Variants in CAMTA1 observed in about 807,000 individuals in gnomAD.
CAMTA1 encodes calmodulin binding transcription activator 1, also known as calmodulin-binding transcription activator 1.
In CAMTA1, 27 loss-of-function variants were observed where a neutral mutation model predicts 170.9. The ratio of observed to expected loss-of-function variants is 0.16; its 90% CI spans 0.12 to 0.22. The LOEUF (loss-of-function observed/expected upper bound fraction) is 0.22. CAMTA1 is among the 10% of genes least tolerant of loss of function. The pLI, the probability that CAMTA1 is intolerant of heterozygous loss-of-function variation, is 1.00. For synonymous variants in CAMTA1, 833 were observed against 891.5 expected (o/e 0.93, Z 1.17); for missense variants, 1,619 against 2,217.2 (o/e 0.73, Z 5.42).
At chr1:7,683,822 G>A (rs1307108373) in intron 11 of CAMTA1, among the ~76,000 whole-genome samples, 4 of 152,212 alleles carry the variant, frequency 2.6e-5, no homozygotes, top group Non-Finnish European at 4.4e-5. Flanking sequence ...GTGTCTGTCA[G>A]CTTGGGTGCA....
intron 6 of CAMTA1, among the ~76,000 whole-genome samples, chr1:7,527,810 C>T (rs2094447166): frequency 6.6e-6 from 1 of 152,218 alleles, no homozygotes; most frequent in Non-Finnish European, 1.5e-5. Context: ...GGCTGCGGTT[C>T]TCCGACCTCA....
At chr1:7,039,104 C>A (rs1042639227) in intron 3 of CAMTA1, among the ~76,000 whole-genome samples, 1 of 152,176 alleles carries the variant, frequency 6.6e-6, no homozygotes, top group East Asian at 1.9e-4. Context: ...AGGGTCATAG[C>A]AAACCACTTC....
chr1:7,378,505 A>G (rs909440918), intron 5 of CAMTA1, among the ~76,000 whole-genome samples: 2 of 152,210 alleles, frequency 1.3e-5, no homozygotes, highest in African/African-American at 4.8e-5. Context: ...AGTCAGTCGC[A>G]GCAGGCCGCA....
intron 4 of CAMTA1, among the ~76,000 whole-genome samples, chr1:7,243,328 T>C (rs1405693509): frequency 1.3e-5 from 2 of 152,200 alleles, no homozygotes; most frequent in East Asian, 1.9e-4. Flanking sequence ...ATAGATTAAC[T>C]TGGGTTTTCT....
chr1:7,623,895 C>T (rs1319176080), intron 6 of CAMTA1, among the ~76,000 whole-genome samples: 2 of 152,376 alleles, frequency 1.3e-5, no homozygotes, highest in South Asian at 2.1e-4. Flanking sequence ...TAGCTAACAT[C>T]TCTTAACAGC....
At chr1:6,813,630 T>A (rs565148477) in intron 1 of CAMTA1, among the ~76,000 whole-genome samples, 2 of 152,122 alleles carry the variant, frequency 1.3e-5, no homozygotes, top group South Asian at 2.1e-4. Flanking sequence ...TTTTTAAAAA[T>A]TTTTTTTAGA....
At chr1:7,720,248 AC>A (rs2096640716) in intron 11 of CAMTA1, among the ~76,000 whole-genome samples, 1 of 152,238 alleles carries the variant, frequency 6.6e-6, no homozygotes, top group African/African-American at 2.4e-5. Context: ...GACTTGTTAA[AC>A]ACCTTGGTAA....
chr1:6,839,123 C>T (rs1341808887), intron 3 of CAMTA1, among the ~76,000 whole-genome samples: 2 of 152,022 alleles, frequency 1.3e-5, no homozygotes, highest in Non-Finnish European at 2.9e-5. Flanking sequence ...TGGCTCACGC[C>T]TGTAATCTCA....
chr1:6,844,423 A>G lies in CAMTA1; in HGVS notation c.234+19213A>G, dbSNP rs376120719. 3.1e-4 allele frequency among the ~76,000 whole-genome samples: 47 copies of G among 151,722 alleles called. No homozygotes were observed. In the South Asian group the frequency reaches 9.4e-3, roughly 30 times the overall value. On this transcript the variant is annotated intron_variant, in intron 3 of 22. Coordinates refer to ENST00000303635, the MANE Select transcript of CAMTA1 (RefSeq NM_015215.4). ...CACAGTGGCTCGCGCCAGTAATCCC[A>G]GCACTTTGGGAGGCTGAGGCAGGCA...
intron 4 of CAMTA1, among the ~76,000 whole-genome samples, chr1:7,244,222 A>G (rs1166847929): frequency 4.6e-5 from 7 of 152,348 alleles, no homozygotes; most frequent in African/African-American, 1.7e-4. Context: ...AATGGCGATC[A>G]TTAAAAAGTC....
At position 7,521,365 on chromosome 1, in the gene CAMTA1, T is replaced by C. The variant is rs537357780; in HGVS notation, c.510+53464T>C. Among the ~76,000 whole-genome samples the C allele has an allele frequency of 1.4e-4, 22 of 152,274 alleles. No individual in the cohort carries two copies. The South Asian group carries it at 4.4e-3, about 30-fold the overall frequency. ...GTACTCCTTACCCAGTTTCCCCCAG[T>C]GGTAACATTTTGCAAAATGTCGGCA... is the stretch of plus-strand genomic sequence containing the variant. On this transcript the variant is annotated intron_variant, in intron 6 of 22. Transcript: ENST00000303635.
intron 19 of CAMTA1, chr1:7,749,668 C>CT (rs60799863): frequency 0.56 from 185,046 of 327,922 alleles, 39,162 homozygotes; most frequent in Admixed American, 0.65. Context: ...GCCAGGTTGC[C>CT]TTTTTTTTTT....
chr1:7,567,501 C>T (rs963995730), intron 6 of CAMTA1, among the ~76,000 whole-genome samples: 23 of 152,164 alleles, frequency 1.5e-4, no homozygotes, highest in African/African-American at 5.1e-4. Flanking sequence ...AGGTGGTGGC[C>T]GATGACAGGG....
chr1:7,651,828 G>GC (rs1400253196), intron 7 of CAMTA1, among the ~76,000 whole-genome samples: 3 of 152,260 alleles, frequency 2.0e-5, no homozygotes, highest in African/African-American at 7.2e-5. Context: ...CCACATGGGG[G>GC]CCCCGACCCC....
At chr1:7,142,687 C>T (rs1484181951) in intron 4 of CAMTA1, among the ~76,000 whole-genome samples, 1 of 152,226 alleles carries the variant, frequency 6.6e-6, no homozygotes. Flanking sequence ...TTCCTGGCTT[C>T]CTCTCTTGCC....
At chr1:7,677,529 G>A in intron 10 of CAMTA1, 70 bp from the exon 11 acceptor site, 1 of 1,541,820 alleles carries the variant, frequency 6.5e-7, no homozygotes, top group Non-Finnish European at 8.8e-7. Context: ...GACATTCCAG[G>A]CCCTGTGTGG....
chr1:6,914,685 A>G (rs1017157262), intron 3 of CAMTA1, among the ~76,000 whole-genome samples: 1 of 152,226 alleles, frequency 6.6e-6, no homozygotes, highest in Non-Finnish European at 1.5e-5. Context: ...GTTGGGACAG[A>G]GACCTTTTCC....
chr1:7,739,682 G>C (rs1341155080), intron 16 of CAMTA1, among the ~76,000 whole-genome samples: 1 of 152,178 alleles, frequency 6.6e-6, no homozygotes, highest in African/African-American at 2.4e-5. Flanking sequence ...AAAACCATCA[G>C]ATCTCAAGAG....
At chr1:6,962,831 C>T (rs1368444180) in intron 3 of CAMTA1, among the ~76,000 whole-genome samples, 1 of 150,898 alleles carries the variant, frequency 6.6e-6, no homozygotes, top group African/African-American at 2.4e-5. Flanking sequence ...CCCATCTGGC[C>T]CCACCCACTC....
Sources: gnomAD v4.1 joint callset for allele counts (sites outside exome capture counted in the v4.1 genomes callset) on GRCh38, gnomAD v4.1.1 for gene constraint, MANE v1.5 for transcripts, NCBI Gene and HGNC (gene_info 2026-07-23, HGNC 2026-07-21) for gene names.